The following PCDH15 variants were observed in gnomAD, a reference collection of about 807,000 sequenced individuals.
PCDH15 encodes protocadherin related 15.
Under a neutral mutation model 178.5 loss-of-function variants are expected in PCDH15, and 129 were observed. That is an observed-to-expected ratio of 0.72 (90% CI 0.63 to 0.84). The LOEUF is 0.84. Among genes scored for constraint, PCDH15 ranks in the 40% least tolerant of loss-of-function variants. The probability of loss-of-function intolerance (pLI) is 0.00; values close to 1 mark genes in which losing one functional copy is unlikely to be tolerated. For missense variants in PCDH15, 2,230 were observed against 2,099.9 expected (o/e 1.06, Z -1.21); for synonymous variants, 800 against 732.0 (o/e 1.09, Z -1.50).
chr10:54,546,498 G>C (rs755010918), intron 2 of PCDH15, among the ~76,000 whole-genome samples: 8 of 151,888 alleles, frequency 5.3e-5, no homozygotes, highest in Non-Finnish European at 1.2e-4. Flanking sequence ...TAAGAAAATA[G>C]TGTCCTTTGC....
chr10:55,369,428 T>A (rs1216548974), intron 2 of PCDH15, among the ~76,000 whole-genome samples: 1 of 152,128 alleles, frequency 6.6e-6, no homozygotes, highest in East Asian at 1.9e-4. Context: ...CTAGATGCTA[T>A]TAATAAGTAT....
intron 2 of PCDH15, among the ~76,000 whole-genome samples, chr10:55,414,305 C>T (rs1317121767): frequency 3.3e-5 from 5 of 151,476 alleles, no homozygotes; most frequent in African/African-American, 1.2e-4. Flanking sequence ...TATACTCATA[C>T]ATTACTGCTA....
intron 1 of PCDH15, among the ~76,000 whole-genome samples, chr10:55,214,571 G>A (rs555430417): frequency 6.6e-6 from 1 of 150,972 alleles, no homozygotes; most frequent in African/African-American, 2.4e-5. Context: ...TTTTTTGTGG[G>A]ATGGGAAAGG....
At chr10:53,809,035 T>C (rs1281113209) in intron 37 of PCDH15, 3 of 1,604,398 alleles carry the variant, frequency 1.9e-6, no homozygotes, top group Non-Finnish European at 2.6e-6. Context: ...CTTGACTTCC[T>C]TGACCTCCTC....
At chr10:54,965,637 A>G (rs920381244) in intron 2 of PCDH15, among the ~76,000 whole-genome samples, 11 of 133,630 alleles carry the variant, frequency 8.2e-5, no homozygotes, top group Non-Finnish European at 1.8e-4. Flanking sequence ...ATATATATAT[A>G]TGTTGGGTAT....
At position 54,228,275 on chromosome 10, in the gene PCDH15, G is replaced by A. The variant is rs536891034; in HGVS notation, c.985+8548C>T. Among the ~76,000 whole-genome samples, 6 of 152,216 alleles carry A rather than the reference G, an allele frequency of 3.9e-5. No individual in the cohort carries two copies. The South Asian group carries it at 1.2e-3, about 32-fold the overall frequency. On this transcript the variant is annotated intron_variant, in intron 9 of 37. Coordinates refer to ENST00000644397, the MANE Select transcript of PCDH15 (RefSeq NM_001384140.1). ...TTACAATCATGGTGGAAGGCAAGGA[G>A]GAGCAACCCACATCTTACATGGATG...
intron 10 of PCDH15, among the ~76,000 whole-genome samples, chr10:54,210,905 GTTAA>G (rs1330552925): frequency 1.3e-5 from 2 of 151,964 alleles, no homozygotes; most frequent in Admixed American, 1.3e-4. Flanking sequence ...GCTCTTCGTT[GTTAA>G]TTAAAGGGAT....
At chr10:55,435,524 C>T (rs1839017717) in intron 2 of PCDH15, among the ~76,000 whole-genome samples, 1 of 152,136 alleles carries the variant, frequency 6.6e-6, no homozygotes, top group Non-Finnish European at 1.5e-5. Flanking sequence ...ACTTCCTCTT[C>T]CTTTTTTCCC....
intron 28 of PCDH15, among the ~76,000 whole-genome samples, chr10:53,843,097 T>G (rs575539552): frequency 7.2e-5 from 11 of 152,286 alleles, no homozygotes; most frequent in Admixed American, 3.3e-4. Context: ...CAGGGAATCA[T>G]GAATAAAAGA....
intron 8 of PCDH15, among the ~76,000 whole-genome samples, chr10:54,262,615 A>G (rs2057395590): frequency 6.6e-6 from 1 of 152,098 alleles, no homozygotes; most frequent in African/African-American, 2.4e-5. Context: ...ACTCCAGTAC[A>G]CCACGCAGGG....
At chr10:55,208,815 C>A (rs1840479799) in intron 1 of PCDH15, among the ~76,000 whole-genome samples, 1 of 151,998 alleles carries the variant, frequency 6.6e-6, no homozygotes, top group African/African-American at 2.4e-5. Context: ...AGTTATTTAA[C>A]AATATTGTTG....
intron 3 of PCDH15, among the ~76,000 whole-genome samples, chr10:54,380,170 T>A (rs1589126827): frequency 6.6e-6 from 1 of 152,078 alleles, no homozygotes; most frequent in East Asian, 1.9e-4. Context: ...GAACCATGAA[T>A]CTTTTGTAAC....
intron 2 of PCDH15, among the ~76,000 whole-genome samples, chr10:54,930,904 A>G (rs1278184182): frequency 6.6e-6 from 1 of 152,172 alleles, no homozygotes; most frequent in Admixed American, 6.6e-5. Context: ...ATAGAGTAAC[A>G]AAACATTTGG....
chr10:54,458,835 C>A (rs1320032398), intron 3 of PCDH15, among the ~76,000 whole-genome samples: 1 of 152,124 alleles, frequency 6.6e-6, no homozygotes, highest in Non-Finnish European at 1.5e-5. Context: ...TGACCTTGAG[C>A]AAGTTACTTA....
intron 1 of PCDH15, among the ~76,000 whole-genome samples, chr10:54,729,090 C>G (rs1942981826): frequency 6.6e-6 from 1 of 151,162 alleles, no homozygotes; most frequent in Admixed American, 6.6e-5. Flanking sequence ...TACATGAAAC[C>G]AAAAAGAGCC....
intron 2 of PCDH15, among the ~76,000 whole-genome samples, chr10:55,494,465 T>G (rs140747888): frequency 1.6e-4 from 25 of 151,938 alleles, no homozygotes; most frequent in African/African-American, 6.0e-4. Flanking sequence ...TGGTTGAATT[T>G]ACATCTGCCA....
At chr10:53,808,400 A>T in intron 37 of PCDH15, 1 of 1,096,316 alleles carries the variant, frequency 9.1e-7, no homozygotes, top group Non-Finnish European at 1.1e-6. Flanking sequence ...ACATAATGCC[A>T]CATTGCATTA....
chr10:54,380,911 A>T (rs539376335), intron 3 of PCDH15, among the ~76,000 whole-genome samples: 1 of 151,216 alleles, frequency 6.6e-6, no homozygotes, highest in Non-Finnish European at 1.5e-5. Flanking sequence ...TCTAACTTTC[A>T]TGGAAAAGAT....
intron 23 of PCDH15, among the ~76,000 whole-genome samples, chr10:53,955,267 C>T (rs1000006074): frequency 6.6e-6 from 1 of 152,056 alleles, no homozygotes. Context: ...AAGATGGTGA[C>T]CCCTGAGTTG....
Sources: allele counts gnomAD v4.1 joint callset (sites outside exome capture counted in the v4.1 genomes callset), GRCh38; gene constraint gnomAD v4.1.1; transcripts MANE v1.5; gene names NCBI Gene and HGNC (gene_info 2026-07-23, HGNC 2026-07-21).